SLC49A4: variants seen among roughly 807,000 people sequenced by gnomAD.
The protein encoded by SLC49A4 is disrupted in renal cancer protein 2.
A neutral mutation model predicts 50.6 loss-of-function variants in SLC49A4; 36 were observed. The observed-to-expected ratio is 0.71, with a 90% confidence interval of 0.55 to 0.94. The LOEUF is 0.94. Ranked by LOEUF, SLC49A4 falls within the 40% of genes least tolerant of loss-of-function variation. The pLI is 0.00. For missense variants in SLC49A4, 503 were observed against 605.7 expected (o/e 0.83, Z 1.78); for synonymous variants, 248 against 241.2 (o/e 1.03, Z -0.26).
At chr3:122,835,387 C>T (rs1269892332) in intron 4 of SLC49A4, among the ~76,000 whole-genome samples, 2 of 152,152 alleles carry the variant, frequency 1.3e-5, no homozygotes, top group African/African-American at 2.4e-5. Flanking sequence ...AAAACACTAG[C>T]TTACTGAATC....
Position 122,873,003 on chromosome 3 carries a change from T to G in SLC49A4, c.1321+406T>G, listed in dbSNP as rs543976500. 5.2e-4 allele frequency among the ~76,000 whole-genome samples: 79 copies of G among 152,234 alleles called. No homozygotes were observed. The South Asian group carries it at 0.016, about 30-fold the overall frequency. ...TCTTAACACAGGGTGTAAATTAATGTTAGGGGTGTATATGGAGTTTAAAGC... is the reference window on the plus strand; with the variant it reads ...TCTTAACACAGGGTGTAAATTAATGGTAGGGGTGTATATGGAGTTTAAAGC... On this transcript the variant is annotated intron_variant, in intron 8 of 8. Transcript: ENST00000261038.
intron 1 of SLC49A4, among the ~76,000 whole-genome samples, chr3:122,800,788 T>G (rs1366865263): frequency 6.6e-6 from 1 of 151,050 alleles, no homozygotes; most frequent in Non-Finnish European, 1.5e-5. Context: ...TCTTTGCTTT[T>G]TTCCCCTCAG....
At chr3:122,865,562 C>G (rs1321092769) in intron 7 of SLC49A4, among the ~76,000 whole-genome samples, 1 of 152,078 alleles carries the variant, frequency 6.6e-6, no homozygotes, top group African/African-American at 2.4e-5. Context: ...CATGTGTATT[C>G]TATGTATTCA....
At chr3:122,842,022 AT>A (rs1411285837) in intron 4 of SLC49A4, among the ~76,000 whole-genome samples, 1 of 152,252 alleles carries the variant, frequency 6.6e-6, no homozygotes, top group African/African-American at 2.4e-5. Context: ...TTTAAAAACA[AT>A]GCCACTTAAG....
chr3:122,807,890 G>A (rs9847119), intron 2 of SLC49A4, among the ~76,000 whole-genome samples: 88,111 of 152,062 alleles, frequency 0.58, 26,248 homozygotes, highest in Non-Finnish European at 0.66. Flanking sequence ...AAACCCCTTA[G>A]GCTCTTAATC....
At chr3:122,847,427 A>C (rs1936869194) in intron 5 of SLC49A4, among the ~76,000 whole-genome samples, 2 of 148,644 alleles carry the variant, frequency 1.3e-5, no homozygotes, top group Non-Finnish European at 3.0e-5. Flanking sequence ...AGCTCACTGC[A>C]AGCTCTGACT....
chr3:122,796,338 C>T (rs1936039396), intron 1 of SLC49A4, among the ~76,000 whole-genome samples: 1 of 152,240 alleles, frequency 6.6e-6, no homozygotes. Context: ...CTGGGAGCTA[C>T]TTTGTACAGT....
chr3:122,824,073 ATG>A (rs1560206120), intron 2 of SLC49A4, among the ~76,000 whole-genome samples: 1 of 152,228 alleles, frequency 6.6e-6, no homozygotes, highest in African/African-American at 2.4e-5. Context: ...CAGGTTTCTC[ATG>A]AATTCAGAGG....
intron 5 of SLC49A4, among the ~76,000 whole-genome samples, chr3:122,853,291 T>G (rs757138467): frequency 4.6e-5 from 7 of 152,158 alleles, no homozygotes; most frequent in Non-Finnish European, 5.9e-5. Flanking sequence ...TATGATCACT[T>G]TAGGGATTAA....
intron 1 of SLC49A4, among the ~76,000 whole-genome samples, chr3:122,802,661 T>A (rs1936149343): frequency 6.6e-6 from 1 of 152,084 alleles, no homozygotes; most frequent in African/African-American, 2.4e-5. Context: ...CATGAGCACA[T>A]TAAGGAGAGA....
chr3:122,844,398 A>AGTAG (rs1437971768), intron 4 of SLC49A4, among the ~76,000 whole-genome samples: 1 of 152,158 alleles, frequency 6.6e-6, no homozygotes, highest in African/African-American at 2.4e-5. Flanking sequence ...CTACCTACTC[A>AGTAG]TTTGATGAAA....
intron 8 of SLC49A4, among the ~76,000 whole-genome samples, chr3:122,874,182 A>G (rs1386039607): frequency 6.6e-6 from 1 of 152,218 alleles, no homozygotes; most frequent in Non-Finnish European, 1.5e-5. Flanking sequence ...AAACTGCCCT[A>G]AACTGTCTTA....
At chr3:122,862,347 T>A (rs1283512692) in intron 7 of SLC49A4, among the ~76,000 whole-genome samples, 1 of 152,146 alleles carries the variant, frequency 6.6e-6, no homozygotes, top group East Asian at 1.9e-4. Flanking sequence ...GAAATCCCTG[T>A]TCTACACCAT....
chr3:122,850,720 G>A (rs1936915826), intron 5 of SLC49A4, among the ~76,000 whole-genome samples: 1 of 152,088 alleles, frequency 6.6e-6, no homozygotes, highest in Non-Finnish European at 1.5e-5. Flanking sequence ...TTCCCAGGCT[G>A]GTCTGGAACT....
chr3:122,853,592 C>G (rs1936950755), intron 5 of SLC49A4, among the ~76,000 whole-genome samples: 1 of 152,144 alleles, frequency 6.6e-6, no homozygotes, highest in Non-Finnish European at 1.5e-5. Flanking sequence ...AATCCTGTCT[C>G]CACCAAAAAT....
At chr3:122,856,836 C>CA (rs11375250) in intron 6 of SLC49A4, among the ~76,000 whole-genome samples, 417 of 70,820 alleles carry the variant, frequency 5.9e-3, no homozygotes, top group East Asian at 0.022. Context: ...GACTCCATCT[C>CA]AAAAAAAAAA....
intron 5 of SLC49A4, among the ~76,000 whole-genome samples, chr3:122,849,439 A>G (rs1936897437): frequency 6.6e-6 from 1 of 152,224 alleles, no homozygotes; most frequent in East Asian, 1.9e-4. Context: ...TTTAATTTCC[A>G]CCAGCAGTGT....
intron 4 of SLC49A4, among the ~76,000 whole-genome samples, chr3:122,844,342 A>G (rs1261860077): frequency 6.6e-6 from 1 of 152,128 alleles, no homozygotes; most frequent in Non-Finnish European, 1.5e-5. Context: ...CAAAGTGCTG[A>G]GATTACAGGC....
At chr3:122,869,185 A>G (rs1318147967) in intron 7 of SLC49A4, among the ~76,000 whole-genome samples, 1 of 152,052 alleles carries the variant, frequency 6.6e-6, no homozygotes, top group Non-Finnish European at 1.5e-5. Context: ...CAAGTAGTAG[A>G]AAAAGAGTAT....
Sources: allele counts gnomAD v4.1 joint callset (sites outside exome capture counted in the v4.1 genomes callset), GRCh38; gene constraint gnomAD v4.1.1; transcripts MANE v1.5; gene names NCBI Gene and HGNC (gene_info 2026-07-23, HGNC 2026-07-21).